The following DPP10 variants were observed in gnomAD, a reference collection of about 807,000 sequenced individuals.
DPP10 encodes the protein dipeptidyl peptidase like 10.
DPP10 carries 33 observed loss-of-function variants against 120.9 expected under a neutral mutation model. The observed-to-expected ratio is 0.27, with a 90% confidence interval of 0.21 to 0.37. DPP10 has a LOEUF of 0.37. Among genes scored for constraint, DPP10 ranks in the 10% least tolerant of loss-of-function variants. The probability of loss-of-function intolerance (pLI) is 1.00; values close to 1 mark genes in which losing one functional copy is unlikely to be tolerated. For missense variants in DPP10, 816 were observed against 942.8 expected, an observed-to-expected ratio of 0.87 and a Z score of 1.76; for synonymous variants, 337 against 326.1, an observed-to-expected ratio of 1.03 and a Z score of -0.36.
intron 2 of DPP10, among the ~76,000 whole-genome samples, chr2:115,331,635 G>C (rs551391581): frequency 6.6e-6 from 1 of 152,262 alleles, no homozygotes; most frequent in East Asian, 1.9e-4. Flanking sequence ...AGCCTGAAGT[G>C]CTGTTGAATT....
At chr2:115,837,656 C>G (rs1018711940) in intron 24 of DPP10, among the ~76,000 whole-genome samples, 2 of 152,094 alleles carry the variant, frequency 1.3e-5, no homozygotes, top group Non-Finnish European at 2.9e-5. Flanking sequence ...AGTGACAAGT[C>G]ATGTTATTAC....
chr2:114,723,005 G>A (rs1480256719), intron 1 of DPP10, among the ~76,000 whole-genome samples: 1 of 152,096 alleles, frequency 6.6e-6, no homozygotes, highest in Admixed American at 6.6e-5. Context: ...ACTCAGACAT[G>A]GGGCACTTAA....
intron 1 of DPP10, among the ~76,000 whole-genome samples, chr2:114,954,475 G>A (rs1015711390): frequency 2.0e-5 from 3 of 151,822 alleles, no homozygotes; most frequent in African/African-American, 4.8e-5. Context: ...ATTCTAATAG[G>A]GAAGTTTTTA....
chr2:115,581,294 A>G (rs2081989377), intron 5 of DPP10, among the ~76,000 whole-genome samples: 1 of 152,152 alleles, frequency 6.6e-6, no homozygotes, highest in Admixed American at 6.5e-5. Flanking sequence ...CCCATTTGCA[A>G]ATATACTTGC....
At chr2:114,917,595 T>C (rs1694899960) in intron 1 of DPP10, among the ~76,000 whole-genome samples, 1 of 152,198 alleles carries the variant, frequency 6.6e-6, no homozygotes, top group Admixed American at 6.5e-5. Context: ...GCATGGTATT[T>C]GTGTAAAAAC....
At chr2:115,537,607 C>CA (rs913019846) in intron 5 of DPP10, among the ~76,000 whole-genome samples, 1 of 109,956 alleles carries the variant, frequency 9.1e-6, no homozygotes, top group Non-Finnish European at 1.8e-5. Context: ...TGGTCTAGAA[C>CA]AAAAAAACAT....
At chr2:115,335,092 G>A (rs1461005734) in intron 2 of DPP10, among the ~76,000 whole-genome samples, 1 of 151,732 alleles carries the variant, frequency 6.6e-6, no homozygotes, top group Non-Finnish European at 1.5e-5. Context: ...CATCTTACGG[G>A]GATGGCAGGA....
At chr2:115,700,789 A>G (rs1466369591) in intron 7 of DPP10, among the ~76,000 whole-genome samples, 2 of 152,162 alleles carry the variant, frequency 1.3e-5, no homozygotes, top group Non-Finnish European at 2.9e-5. Context: ...GTAAGTCTAT[A>G]CAATAACTGT....
intron 1 of DPP10, among the ~76,000 whole-genome samples, chr2:114,979,964 T>C (rs539500892): frequency 6.6e-6 from 1 of 152,252 alleles, no homozygotes; most frequent in Admixed American, 6.5e-5. Flanking sequence ...TCTTTTGCAA[T>C]CGTGTATATT....
intron 13 of DPP10, among the ~76,000 whole-genome samples, chr2:115,769,913 T>G (rs1488858655): frequency 6.6e-6 from 1 of 151,058 alleles, no homozygotes; most frequent in Non-Finnish European, 1.5e-5. Context: ...GACATTTCAT[T>G]GAATTTTTAA....
chr2:114,653,021 A>AGTGT (rs1274429983), intron 1 of DPP10, among the ~76,000 whole-genome samples: 6 of 111,048 alleles, frequency 5.4e-5, no homozygotes, highest in African/African-American at 3.5e-4. Flanking sequence ...AGAGAGAGAG[A>AGTGT]GAGAGAGTGT....
chr2:114,911,629 C>T (rs1574470833), intron 1 of DPP10, among the ~76,000 whole-genome samples: 1 of 152,132 alleles, frequency 6.6e-6, no homozygotes, highest in African/African-American at 2.4e-5. Flanking sequence ...AAGAAACCAG[C>T]CAAGACAAAG....
chr2:114,798,666 G>C (rs569629866), intron 1 of DPP10, among the ~76,000 whole-genome samples: 53 of 152,134 alleles, frequency 3.5e-4, no homozygotes, highest in Non-Finnish European at 5.9e-4. Context: ...TGACAGGGGT[G>C]GGGGCACGAG....
At chr2:114,668,746 A>T (rs1698119247) in intron 1 of DPP10, among the ~76,000 whole-genome samples, 1 of 152,176 alleles carries the variant, frequency 6.6e-6, no homozygotes, top group African/African-American at 2.4e-5. Flanking sequence ...GTGTGAAAAT[A>T]AGAAAGTTGT....
chr2:115,141,452 G>C (rs1573761336), intron 1 of DPP10, among the ~76,000 whole-genome samples: 1 of 152,178 alleles, frequency 6.6e-6, no homozygotes, highest in African/African-American at 2.4e-5. Flanking sequence ...AAAGGTTAAA[G>C]GTTAAAGATT....
chr2:115,805,004 G>A (rs1685749507), intron 19 of DPP10, among the ~76,000 whole-genome samples: 1 of 152,182 alleles, frequency 6.6e-6, no homozygotes, highest in African/African-American at 2.4e-5. Flanking sequence ...GCTGTCTTTT[G>A]TTTGTCTGTG....
At chr2:115,162,808 C>A (rs1446653853) in intron 1 of DPP10, among the ~76,000 whole-genome samples, 3 of 152,054 alleles carry the variant, frequency 2.0e-5, no homozygotes, top group African/African-American at 7.2e-5. Context: ...ATAACCGTAC[C>A]GTCGTGGATC....
At chr2:115,386,682 A>AG (rs1259093480) in intron 3 of DPP10, among the ~76,000 whole-genome samples, 1 of 152,024 alleles carries the variant, frequency 6.6e-6, no homozygotes, top group Non-Finnish European at 1.5e-5. Flanking sequence ...TAGAGAGAGG[A>AG]GGGGGGCGCT....
At chr2:114,558,339 C>G (rs541636787) in intron 1 of DPP10, among the ~76,000 whole-genome samples, 1 of 152,210 alleles carries the variant, frequency 6.6e-6, no homozygotes, top group African/African-American at 2.4e-5. Context: ...GGCTCTCTTT[C>G]TGGTCTTGAA....
Sources: gnomAD v4.1 joint callset for allele counts (sites outside exome capture counted in the v4.1 genomes callset) on GRCh38, gnomAD v4.1.1 for gene constraint, MANE v1.5 for transcripts, NCBI Gene and HGNC (gene_info 2026-07-23, HGNC 2026-07-21) for gene names.